The following ABCC6 variants were observed in gnomAD, a reference collection of about 807,000 sequenced individuals.
ABCC6 encodes the protein ATP binding cassette subfamily C member 6, also known as ATP-binding cassette sub-family C member 6.
ABCC6 carries 126 observed loss-of-function variants against 169.5 expected under a neutral mutation model. That is an observed-to-expected ratio of 0.74 (90% confidence interval 0.64 to 0.86). ABCC6 has a LOEUF of 0.86. Among genes scored for constraint, ABCC6 ranks in the 40% least tolerant of loss-of-function variants. The pLI is 0.00. For synonymous variants in ABCC6, 752 were observed against 814.7 expected (o/e 0.92, Z 1.31); for missense variants, 1,733 against 1,927.2 (o/e 0.90, Z 1.89).
At chr16:16,152,192 C>CAAAAA (rs61339757) in intron 29 of ABCC6, among the ~76,000 whole-genome samples, 1,111 of 40,264 alleles carry the variant, frequency 0.028, 167 homozygotes, top group African/African-American at 0.11. Flanking sequence ...GACTCTGTCT[C>CAAAAA]AAAAAAAAAA....
intron 24 of ABCC6, among the ~76,000 whole-genome samples, chr16:16,162,367 C>G (rs2046746437): frequency 6.6e-6 from 1 of 152,222 alleles, no homozygotes; most frequent in Non-Finnish European, 1.5e-5. Context: ...CTGTGAGACC[C>G]TGGACAAGTT....
rs1178130319 is a variant in ABCC6, at chr16:16,203,497, C to T, written c.911G>A (p.Trp304Ter). 1 of 1,613,880 alleles carries T rather than the reference C, an allele frequency of 6.2e-7. No homozygotes were observed. The highest frequency in any genetic ancestry group is 8.5e-7 in the Non-Finnish European group (1 of 1,179,886). The change falls in exon 8 of 31, where the codon TGG becomes TAG. Residue 304 changes from tryptophan (W) to a stop codon, truncating the protein, a stop_gained. Coordinates refer to ENST00000205557, the MANE Select transcript of ABCC6 (RefSeq NM_001171.6). LOFTEE classifies it high-confidence loss of function. ...GAGGAAGGTAGAATGGAACACCTGC[C>T]AGATGGCCTTCAGCAGTGGGCGCCA... Reference protein sequence around the residue: ...SQWRPLLKAIWQVFHSTFLLG... With the variant: ...SQWRPLLKAI
intron 26 of ABCC6, among the ~76,000 whole-genome samples, chr16:16,158,329 C>T (rs2046614145): frequency 6.6e-6 from 1 of 152,146 alleles, no homozygotes; most frequent in African/African-American, 2.4e-5. Flanking sequence ...GTTACTGTTA[C>T]ATTAGTGCTA....
chr16:16,210,952 G>A (rs891536123), intron 6 of ABCC6, among the ~76,000 whole-genome samples: 10 of 152,096 alleles, frequency 6.6e-5, no homozygotes, highest in Non-Finnish European at 1.3e-4. Context: ...AAAATTAGCT[G>A]GGCATGATGG....
At chr16:16,189,615 G>T (rs562349893) in intron 12 of ABCC6, among the ~76,000 whole-genome samples, 2 of 152,026 alleles carry the variant, frequency 1.3e-5, no homozygotes, top group South Asian at 2.1e-4. Flanking sequence ...ACAGGGTTTC[G>T]CCATGTTGGC....
At chr16:16,162,147 T>A (rs1056875709) in intron 24 of ABCC6, among the ~76,000 whole-genome samples, 1 of 152,216 alleles carries the variant, frequency 6.6e-6, no homozygotes, top group Admixed American at 6.5e-5. Flanking sequence ...ACTGAGTCAA[T>A]TAAACCTTCC....
rs2048303725 is a variant in ABCC6, at chr16:16,203,410, C to G, written c.998G>C (p.Ser333Thr). The change falls in exon 8 of 31, where the codon AGC (serine) becomes ACC (threonine). Residue 333 changes from serine to threonine, a missense_variant and splice_region_variant. Physicochemically the swap from Ser to Thr is moderately conservative, Grantham distance 58. Coordinates refer to ENST00000205557, the MANE Select transcript of ABCC6 (RefSeq NM_001171.6). ...AGGGCACTTGAGGTCTGGGACTCAC[C>G]TGAGCAGCTTGGGGACAGTGAACCT... ...VFRFTVPKLL[S>T]LFLEFIGDPK... is the part of the protein sequence containing the mutation. 6.2e-7 allele frequency: 1 copy of G among 1,613,912 alleles called. No individual in the cohort carries two copies. Among genetic ancestry groups the G allele is most frequent in the Non-Finnish European group, 8.5e-7 (1 of 1,179,852 alleles).
At chr16:16,189,136 C>T (rs2152268903) in intron 12 of ABCC6, among the ~76,000 whole-genome samples, 162 bp from the exon 13 acceptor site, 1 of 152,322 alleles carries the variant, frequency 6.6e-6, no homozygotes, top group South Asian at 2.1e-4. Context: ...AACACATGTC[C>T]TCTCCGCAGT....
chr16:16,194,926 C>T (rs939834532), intron 10 of ABCC6, among the ~76,000 whole-genome samples: 2 of 152,048 alleles, frequency 1.3e-5, no homozygotes, highest in Non-Finnish European at 1.5e-5. Context: ...GTGATCCACC[C>T]ACCTCAGCCT....
At chr16:16,178,283 C>T (rs2047352131) in intron 18 of ABCC6, among the ~76,000 whole-genome samples, 1 of 151,842 alleles carries the variant, frequency 6.6e-6, no homozygotes, top group African/African-American at 2.4e-5. Context: ...GCGGAGATCG[C>T]ACCACTGCCC....
rs757506868 is a variant in ABCC6 at position 16,190,263 on chromosome 16, G to A, written c.1536C>T (p.Asp512=). ...KFHGWEGAFL[D]RVLGIRGQEL... ...CCTGGCCTCGGATGCCCAGGACTCTGTCCAGAAAGGCTCCCTCCCAGCCAT... is the reference window on the plus strand; with the variant it reads ...CCTGGCCTCGGATGCCCAGGACTCTATCCAGAAAGGCTCCCTCCCAGCCAT... The change falls in exon 12 of 31, where the codon GAC becomes GAT. Residue 512 remains aspartate, a synonymous_variant. Coordinates refer to ENST00000205557, the MANE Select transcript of ABCC6 (RefSeq NM_001171.6). 1.2e-6 allele frequency: 2 copies of A among 1,614,136 alleles called. No individual in the cohort carries two copies. Among genetic ancestry groups the A allele is most frequent in the South Asian group, 2.2e-5 (2 of 91,068 alleles).
At chr16:16,193,483 G>T (rs2047932769) in intron 10 of ABCC6, among the ~76,000 whole-genome samples, 1 of 152,146 alleles carries the variant, frequency 6.6e-6, no homozygotes, top group African/African-American at 2.4e-5. Context: ...GAGGCCGGAG[G>T]CGGGCAGATC....
chr16:16,182,148 T>C (rs2047495643), intron 17 of ABCC6, among the ~76,000 whole-genome samples: 1 of 152,186 alleles, frequency 6.6e-6, no homozygotes, highest in South Asian at 2.1e-4. Context: ...CTAGGTCTTC[T>C]CACTCTCAGT....
chr16:16,214,408 T>C lies in ABCC6; in HGVS notation c.516A>G (p.Leu172=). 1 of 1,550,162 alleles carries C rather than the reference T, an allele frequency of 6.5e-7. No individual in the cohort carries two copies. The highest frequency in any genetic ancestry group is 8.7e-7 in the Non-Finnish European group (1 of 1,146,480). ...ACTGTGCCACCACCAGAGACAGGCA[T>C]AGGTAGGTGGACAGGTGGCGGACAG... ...SDPVRHLSTY[L]CLSLVVAQFV... The change falls in exon 5 of 31, where the codon CTA becomes CTG. Residue 172 remains leucine (L), a synonymous_variant. Transcript: ENST00000205557.
intron 21 of ABCC6, among the ~76,000 whole-genome samples, chr16:16,170,249 T>C (rs1046466457): frequency 5.9e-5 from 9 of 152,042 alleles, no homozygotes; most frequent in Non-Finnish European, 1.2e-4. Flanking sequence ...TATAGGTTTG[T>C]ACCACCATGT....
chr16:16,197,069 T>C (rs1324527839), intron 10 of ABCC6, among the ~76,000 whole-genome samples: 1 of 150,920 alleles, frequency 6.6e-6, no homozygotes, highest in African/African-American at 2.5e-5. Context: ...GTAAATGTTT[T>C]GTTTGTTTTG....
rs1482371754 is a variant in ABCC6 at position 16,207,822 on chromosome 16, G to C, written c.794+906C>G. ...CAAATGAGGCATCCCAGGCTCTAAG[G>C]GCTGCAGAGAAGTTTCCAGAGATGC... On this transcript the variant is annotated intron_variant, in intron 7 of 30. Coordinates refer to ENST00000205557, the MANE Select transcript of ABCC6 (RefSeq NM_001171.6). 2.0e-5 allele frequency among the ~76,000 whole-genome samples: 3 copies of C among 150,942 alleles called. No homozygotes were observed. In the East Asian group the frequency reaches 5.8e-4, roughly 29 times the overall value.
At chr16:16,209,460 T>C (rs1267284638) in intron 6 of ABCC6, among the ~76,000 whole-genome samples, 1 of 152,036 alleles carries the variant, frequency 6.6e-6, no homozygotes, top group Non-Finnish European at 1.5e-5. Context: ...GGGAAGGAAA[T>C]AGAAGTGCAG....
chr16:16,157,881 C>A, intron 26 of ABCC6, 72 bp from the exon 27 acceptor site: 1 of 1,519,368 alleles, frequency 6.6e-7, no homozygotes, highest in Non-Finnish European at 8.9e-7. Context: ...CCACCTCTAT[C>A]AGCTTCAGTT....
Sources: allele counts gnomAD v4.1 joint callset (sites outside exome capture counted in the v4.1 genomes callset), GRCh38; gene constraint gnomAD v4.1.1; transcripts MANE v1.5; gene names NCBI Gene and HGNC (gene_info 2026-07-23, HGNC 2026-07-21).